SNTG1: variants seen among roughly 807,000 people sequenced by gnomAD.
SNTG1 encodes the protein syntrophin gamma 1.
SNTG1 carries 39 observed loss-of-function variants against 74.7 expected under a neutral mutation model. The observed-to-expected ratio is 0.52, with a 90% CI of 0.40 to 0.68. The LOEUF (loss-of-function observed/expected upper bound fraction) is 0.68, where lower values mean the gene tolerates loss of function less well. Ranked by LOEUF, SNTG1 falls within the 30% of genes least tolerant of loss-of-function variation. SNTG1 has a pLI of 0.00. For synonymous variants in SNTG1, 254 were observed against 217.1 expected (o/e 1.17, Z -1.49); for missense variants, 685 against 609.5 (o/e 1.12, Z -1.30).
At chr8:50,034,541 G>A (rs965995407) in intron 1 of SNTG1, among the ~76,000 whole-genome samples, 21 of 152,122 alleles carry the variant, frequency 1.4e-4, no homozygotes, top group Non-Finnish European at 7.3e-5. Flanking sequence ...GGATTGGGGT[G>A]GGGGAGTCTC....
At chr8:50,608,517 C>T (rs1349229325) in intron 13 of SNTG1, among the ~76,000 whole-genome samples, 1 of 151,434 alleles carries the variant, frequency 6.6e-6, no homozygotes, top group African/African-American at 2.4e-5. Flanking sequence ...ATTGCTTTTC[C>T]ATCTCTCTTA....
At chr8:50,778,316 C>T (rs1375529540) in intron 18 of SNTG1, among the ~76,000 whole-genome samples, 2 of 152,218 alleles carry the variant, frequency 1.3e-5, no homozygotes, top group African/African-American at 4.8e-5. Flanking sequence ...TACAGTCCCA[C>T]TGACAGTGTA....
At chr8:50,451,884 C>T (rs1587675692) in intron 8 of SNTG1, among the ~76,000 whole-genome samples, 2 of 152,194 alleles carry the variant, frequency 1.3e-5, no homozygotes, top group African/African-American at 2.4e-5. Context: ...GTATCAGCTC[C>T]TATGGGAAAG....
chr8:50,528,996 A>C (rs1386045298), intron 9 of SNTG1, among the ~76,000 whole-genome samples: 3 of 151,680 alleles, frequency 2.0e-5, no homozygotes, highest in Non-Finnish European at 4.4e-5. Context: ...TAAGATCATT[A>C]AGTTTATACC....
chr8:50,120,468 T>C (rs1586362338), intron 1 of SNTG1, among the ~76,000 whole-genome samples: 3 of 140,236 alleles, frequency 2.1e-5, no homozygotes, highest in African/African-American at 7.7e-5. Context: ...TAACTATTAC[T>C]ACCATTACTA....
chr8:49,910,024 C>A (rs1490104759), upstream of SNTG1: 12 of 152,394 alleles, frequency 7.9e-5, no homozygotes, highest in Admixed American at 3.3e-4. Flanking sequence ...GCCCGTCCCC[C>A]GCGCGCGCCG....
rs577635453 is a variant in SNTG1, at chr8:50,749,073, C to G, written c.1285-2928C>G. 7.2e-5 allele frequency among the ~76,000 whole-genome samples: 11 copies of G among 152,108 alleles called. No individual in the cohort carries two copies. In the East Asian group the frequency reaches 1.8e-3, roughly 24 times the overall value. ...TAAAAGCTGGGCCTCCTGTGACAAACAGTTAAGCAAGTTGTGAATGCAAAG... is the reference window on the plus strand; with the variant it reads ...TAAAAGCTGGGCCTCCTGTGACAAAGAGTTAAGCAAGTTGTGAATGCAAAG... On this transcript the variant is annotated intron_variant, in intron 17 of 18. Coordinates refer to ENST00000642720, the MANE Select transcript of SNTG1 (RefSeq NM_018967.5).
chr8:50,179,797 G>A (rs1175830138), intron 2 of SNTG1, among the ~76,000 whole-genome samples: 2 of 152,172 alleles, frequency 1.3e-5, no homozygotes, highest in African/African-American at 4.8e-5. Flanking sequence ...CAGCAAGGGT[G>A]TGGAGGGAAG....
intron 2 of SNTG1, among the ~76,000 whole-genome samples, chr8:50,281,047 G>A (rs908635724): frequency 1.3e-5 from 2 of 150,656 alleles, no homozygotes; most frequent in African/African-American, 2.4e-5. Flanking sequence ...GAAAAGGGAC[G>A]AGGATTCTCT....
At chr8:50,667,612 C>G (rs7017813) in intron 15 of SNTG1, among the ~76,000 whole-genome samples, 1 of 151,874 alleles carries the variant, frequency 6.6e-6, no homozygotes, top group Non-Finnish European at 1.5e-5. Context: ...AATTGGCTCC[C>G]CAAGTCCCTA....
chr8:50,428,282 C>A (rs2093189379), intron 4 of SNTG1, among the ~76,000 whole-genome samples: 1 of 152,140 alleles, frequency 6.6e-6, no homozygotes, highest in Non-Finnish European at 1.5e-5. Context: ...TGCATTCCAG[C>A]CTCGGCAACA....
chr8:50,530,297 A>G, intron 10 of SNTG1, 38 bp downstream of exon 10: 5 of 1,583,484 alleles, frequency 3.2e-6, no homozygotes, highest in Non-Finnish European at 4.3e-6. Context: ...TAATAAGGAG[A>G]TAACACATAG....
At chr8:49,977,388 A>G (rs986297745) in intron 1 of SNTG1, among the ~76,000 whole-genome samples, 3 of 152,156 alleles carry the variant, frequency 2.0e-5, no homozygotes, top group Non-Finnish European at 2.9e-5. Flanking sequence ...TAGGAAGGAT[A>G]TGAAAGGTTG....
intron 1 of SNTG1, among the ~76,000 whole-genome samples, chr8:50,083,907 A>G (rs1389874645): frequency 6.6e-6 from 1 of 152,242 alleles, no homozygotes; most frequent in Non-Finnish European, 1.5e-5. Flanking sequence ...TACAAATAAT[A>G]TCAAATGGTT....
intron 13 of SNTG1, among the ~76,000 whole-genome samples, chr8:50,642,875 A>G (rs1483546389): frequency 6.6e-6 from 1 of 152,086 alleles, no homozygotes; most frequent in Non-Finnish European, 1.5e-5. Context: ...TTTCACAGGT[A>G]TTTCCATCTA....
chr8:49,998,024 C>T (rs1374873314), intron 1 of SNTG1, among the ~76,000 whole-genome samples: 1 of 152,158 alleles, frequency 6.6e-6, no homozygotes, highest in Non-Finnish European at 1.5e-5. Flanking sequence ...CTACTGTACA[C>T]CTGGTCTATA....
At chr8:49,960,640 C>A (rs1301554972) in intron 1 of SNTG1, among the ~76,000 whole-genome samples, 1 of 151,928 alleles carries the variant, frequency 6.6e-6, no homozygotes, top group Non-Finnish European at 1.5e-5. Flanking sequence ...CACATATATG[C>A]AGAGACATAT....
chr8:50,303,463 TA>T (rs2089739414), intron 2 of SNTG1, among the ~76,000 whole-genome samples: 1 of 151,994 alleles, frequency 6.6e-6, no homozygotes, highest in Non-Finnish European at 1.5e-5. Flanking sequence ...GGAATATGCT[TA>T]AAAATAATAT....
At chr8:50,615,920 A>G (rs2131012849) in intron 13 of SNTG1, among the ~76,000 whole-genome samples, 1 of 152,332 alleles carries the variant, frequency 6.6e-6, no homozygotes, top group South Asian at 2.1e-4. Flanking sequence ...ACAAATTTTA[A>G]GAAATTGGCT....
Sources: allele counts gnomAD v4.1 joint callset (sites outside exome capture counted in the v4.1 genomes callset), GRCh38; gene constraint gnomAD v4.1.1; transcripts MANE v1.5; gene names NCBI Gene and HGNC (gene_info 2026-07-23, HGNC 2026-07-21).